CAMK1D: variants seen among roughly 807,000 people sequenced by gnomAD.
CAMK1D encodes calcium/calmodulin dependent protein kinase ID.
CAMK1D carries 9 observed loss-of-function variants against 47.7 expected under a neutral mutation model. That is an observed-to-expected ratio of 0.19 (90% CI 0.11 to 0.33). The LOEUF is 0.33. Among genes scored for constraint, CAMK1D ranks in the 10% least tolerant of loss-of-function variants. The pLI is 1.00. For synonymous variants in CAMK1D, 184 were observed against 184.9 expected, an observed-to-expected ratio of 0.99 and a Z score of 0.04; for missense variants, 291 against 488.7, an observed-to-expected ratio of 0.60 and a Z score of 3.81.
chr10:12,630,742 A>G (rs1179997286), intron 2 of CAMK1D, among the ~76,000 whole-genome samples: 2 of 151,854 alleles, frequency 1.3e-5, no homozygotes, highest in African/African-American at 2.4e-5. Flanking sequence ...TCTTTATCTT[A>G]CCAGTGGAGC....
At chr10:12,422,640 C>T (rs1228910607) in intron 1 of CAMK1D, among the ~76,000 whole-genome samples, 1 of 151,960 alleles carries the variant, frequency 6.6e-6, no homozygotes, top group Non-Finnish European at 1.5e-5. Flanking sequence ...AGAGTCTGAG[C>T]TCTCTTTGGG....
At position 12,379,837 on chromosome 10, in the gene CAMK1D, C is replaced by T. The variant is rs1452410112; in HGVS notation, c.92+29927C>T. Among the ~76,000 whole-genome samples the T allele has an allele frequency of 2.0e-5, 3 of 152,148 alleles. No individual in the cohort carries two copies. The South Asian group carries it at 6.2e-4, about 32-fold the overall frequency. On this transcript the variant is annotated intron_variant, in intron 1 of 10. Transcript: ENST00000619168. ...CATTCAGATTCATGGCCAGATACGACTCTACTCCTGGCTAAATATCTTTCA... is the reference window on the plus strand; with the variant it reads ...CATTCAGATTCATGGCCAGATACGATTCTACTCCTGGCTAAATATCTTTCA...
At chr10:12,714,410 A>G (rs1834041446) in intron 3 of CAMK1D, among the ~76,000 whole-genome samples, 1 of 151,730 alleles carries the variant, frequency 6.6e-6, no homozygotes, top group Admixed American at 6.6e-5. Flanking sequence ...TAAAAAGTAT[A>G]TTTATATATT....
chr10:12,691,979 G>A (rs951358699), intron 3 of CAMK1D, among the ~76,000 whole-genome samples: 2 of 152,176 alleles, frequency 1.3e-5, no homozygotes, highest in Admixed American at 1.3e-4. Context: ...CTGCAGCTGT[G>A]GGACTACCTC....
At chr10:12,514,688 C>G (rs1357884564) in intron 1 of CAMK1D, among the ~76,000 whole-genome samples, 2 of 152,210 alleles carry the variant, frequency 1.3e-5, no homozygotes, top group Non-Finnish European at 2.9e-5. Flanking sequence ...GAGTACGAAG[C>G]TAGCATAGGC....
At chr10:12,581,623 ATT>A (rs1279304556) in intron 2 of CAMK1D, among the ~76,000 whole-genome samples, 1 of 152,050 alleles carries the variant, frequency 6.6e-6, no homozygotes, top group African/African-American at 2.4e-5. Flanking sequence ...TTTGATTTAC[ATT>A]TCCCTGATCA....
chr10:12,602,463 C>T (rs1838330957), intron 2 of CAMK1D, among the ~76,000 whole-genome samples: 1 of 152,132 alleles, frequency 6.6e-6, no homozygotes, highest in African/African-American at 2.4e-5. Flanking sequence ...ATGCAAACAA[C>T]CTGATGAAAG....
At chr10:12,571,645 C>T (rs1158136325) in intron 2 of CAMK1D, among the ~76,000 whole-genome samples, 1 of 151,890 alleles carries the variant, frequency 6.6e-6, no homozygotes, top group East Asian at 1.9e-4. Flanking sequence ...ATTCTGTTCC[C>T]CAGTAGCATC....
chr10:12,440,370 C>T (rs751738487), intron 1 of CAMK1D, among the ~76,000 whole-genome samples: 19 of 151,956 alleles, frequency 1.3e-4, no homozygotes, highest in East Asian at 3.9e-4. Flanking sequence ...CTACAGCCTC[C>T]GCCTTCCGGA....
At chr10:12,584,205 T>G (rs1302452942) in intron 2 of CAMK1D, among the ~76,000 whole-genome samples, 3 of 152,176 alleles carry the variant, frequency 2.0e-5, no homozygotes, top group African/African-American at 7.2e-5. Flanking sequence ...AAGGGTATAT[T>G]GATTTTATTT....
intron 1 of CAMK1D, among the ~76,000 whole-genome samples, chr10:12,420,175 G>A (rs936486348): frequency 6.6e-6 from 1 of 152,148 alleles, no homozygotes; most frequent in Non-Finnish European, 1.5e-5. Context: ...GACCAGGTTG[G>A]TCTTGAACTC....
intron 2 of CAMK1D, among the ~76,000 whole-genome samples, chr10:12,623,135 C>CCCTCCCTCCCTTCCTCCCTT (rs1839059549): frequency 5.1e-5 from 2 of 39,188 alleles, no homozygotes; most frequent in African/African-American, 1.6e-4. Context: ...CTTCCTCCCT[C>CCCTCCCTCCCTTCCTCCCTT]CCTTCCTCCC....
At chr10:12,513,391 A>C (rs996758330) in intron 1 of CAMK1D, among the ~76,000 whole-genome samples, 7 of 152,192 alleles carry the variant, frequency 4.6e-5, no homozygotes, top group Admixed American at 6.5e-5. Context: ...TCAGTGCTGA[A>C]CCTGTAGTTG....
intron 10 of CAMK1D, among the ~76,000 whole-genome samples, chr10:12,827,303 CTCTT>C (rs1477587030): frequency 1.2e-5 from 1 of 82,250 alleles, no homozygotes; most frequent in Non-Finnish European, 2.5e-5. Context: ...TTCTTTCTCT[CTCTT>C]TTTCTTTTCT....
intron 2 of CAMK1D, among the ~76,000 whole-genome samples, chr10:12,647,143 G>A (rs1275963480): frequency 1.2e-5 from 1 of 82,780 alleles, no homozygotes; most frequent in Non-Finnish European, 2.4e-5. Flanking sequence ...GCCCAGGCTA[G>A]CCTTTTTTTT....
At chr10:12,636,969 A>C (rs1015967011) in intron 2 of CAMK1D, among the ~76,000 whole-genome samples, 7 of 151,972 alleles carry the variant, frequency 4.6e-5, no homozygotes, top group Non-Finnish European at 7.4e-5. Flanking sequence ...AATTAAGACC[A>C]TACTTTTTAT....
chr10:12,642,282 A>G (rs975036041), intron 2 of CAMK1D, among the ~76,000 whole-genome samples: 2 of 152,212 alleles, frequency 1.3e-5, no homozygotes, highest in Non-Finnish European at 2.9e-5. Context: ...GTCAGGGTCA[A>G]ATGCCATTTG....
At chr10:12,805,819 C>T (rs1011899756) in intron 6 of CAMK1D, among the ~76,000 whole-genome samples, 2 of 152,228 alleles carry the variant, frequency 1.3e-5, no homozygotes, top group African/African-American at 4.8e-5. Context: ...CATCCAGCCA[C>T]CTTTTGCTGA....
chr10:12,448,269 C>T (rs527597036), intron 1 of CAMK1D, among the ~76,000 whole-genome samples: 5 of 152,192 alleles, frequency 3.3e-5, no homozygotes, highest in Non-Finnish European at 5.9e-5. Context: ...AAGTGATCCT[C>T]CTGCCTTGGC....
Sources: gnomAD v4.1 joint callset for allele counts (sites outside exome capture counted in the v4.1 genomes callset) on GRCh38, gnomAD v4.1.1 for gene constraint, MANE v1.5 for transcripts, NCBI Gene and HGNC (gene_info 2026-07-23, HGNC 2026-07-21) for gene names.